SLC39A11: variants seen among roughly 807,000 people sequenced by gnomAD.
SLC39A11 encodes solute carrier family 39 member 11.
A neutral mutation model predicts 36.1 loss-of-function variants in SLC39A11; 33 were observed. The ratio of observed to expected loss-of-function variants is 0.91; its 90% CI spans 0.69 to 1.22. The LOEUF is 1.22. Among genes scored for constraint, SLC39A11 ranks in the 50% most tolerant of loss-of-function variants. The pLI, the probability that SLC39A11 is intolerant of heterozygous loss-of-function variation, is 0.00. For synonymous variants in SLC39A11, 166 were observed against 170.3 expected, an observed-to-expected ratio of 0.97 and a Z score of 0.20; for missense variants, 432 against 430.3, an observed-to-expected ratio of 1.00 and a Z score of -0.03.
chr17:72,844,819 A>G (rs1377164240), intron 6 of SLC39A11, among the ~76,000 whole-genome samples: 4 of 152,162 alleles, frequency 2.6e-5, no homozygotes, highest in African/African-American at 9.7e-5. Context: ...ATCAAACCTC[A>G]CAATCAAAAA....
chr17:72,828,827 C>G (rs370828234), intron 6 of SLC39A11, among the ~76,000 whole-genome samples: 25 of 152,260 alleles, frequency 1.6e-4, no homozygotes, highest in East Asian at 5.8e-4. Context: ...ACTGTCTCCT[C>G]CAAAGGCTCC....
intron 6 of SLC39A11, among the ~76,000 whole-genome samples, chr17:72,765,556 C>T (rs1398233963): frequency 1.3e-5 from 2 of 152,116 alleles, no homozygotes; most frequent in African/African-American, 4.8e-5. Context: ...CCCATTAGTT[C>T]ATCTATGGCT....
chr17:72,766,264 CTTG>C (rs2075755480), intron 6 of SLC39A11, among the ~76,000 whole-genome samples: 1 of 152,144 alleles, frequency 6.6e-6, no homozygotes, highest in Non-Finnish European at 1.5e-5. Context: ...ACTGTCATCC[CTTG>C]TTAAGTTGCG....
At chr17:73,057,111 C>T (rs1054320459) in intron 3 of SLC39A11, among the ~76,000 whole-genome samples, 1 of 152,058 alleles carries the variant, frequency 6.6e-6, no homozygotes. Flanking sequence ...CAACCATGCC[C>T]AGTTAATTTT....
At chr17:72,960,212 C>A (rs1185443074) in intron 4 of SLC39A11, among the ~76,000 whole-genome samples, 1 of 152,164 alleles carries the variant, frequency 6.6e-6, no homozygotes, top group Non-Finnish European at 1.5e-5. Context: ...GGAAAAGGCA[C>A]TGGAACCCTT....
chr17:72,702,070 C>T (rs914181261), intron 7 of SLC39A11, among the ~76,000 whole-genome samples: 1 of 68,450 alleles, frequency 1.5e-5, no homozygotes, highest in Non-Finnish European at 3.4e-5. Context: ...CACACCACTG[C>T]ACTCCAGCCT....
chr17:73,083,261 A>G (rs1406845352), intron 3 of SLC39A11, among the ~76,000 whole-genome samples: 1 of 152,158 alleles, frequency 6.6e-6, no homozygotes, highest in Non-Finnish European at 1.5e-5. Flanking sequence ...GTTATAGGGA[A>G]GAGAACGTAT....
intron 6 of SLC39A11, among the ~76,000 whole-genome samples, chr17:72,747,763 A>C (rs2074999588): frequency 6.6e-6 from 1 of 152,204 alleles, no homozygotes; most frequent in Non-Finnish European, 1.5e-5. Flanking sequence ...AAGCAAAACC[A>C]AGAAGGCAGG....
chr17:72,760,137 G>A (rs923567933), intron 6 of SLC39A11, among the ~76,000 whole-genome samples: 3 of 152,156 alleles, frequency 2.0e-5, no homozygotes, highest in East Asian at 1.9e-4. Flanking sequence ...AGTGATTCTC[G>A]TGCCTCAGCC....
intron 7 of SLC39A11, among the ~76,000 whole-genome samples, chr17:72,683,940 C>G (rs540709432): frequency 2.0e-5 from 3 of 152,064 alleles, no homozygotes; most frequent in Non-Finnish European, 4.4e-5. Context: ...CCTGCCTGAC[C>G]CTTTTCCAAC....
At chr17:72,657,875 TG>T (rs2143966979) in intron 7 of SLC39A11, among the ~76,000 whole-genome samples, 1 of 152,344 alleles carries the variant, frequency 6.6e-6, no homozygotes, top group East Asian at 1.9e-4. Context: ...TTTAGCCCCT[TG>T]GATCTACTGC....
At chr17:72,870,482 C>G (rs2080552517) in intron 5 of SLC39A11, among the ~76,000 whole-genome samples, 1 of 152,230 alleles carries the variant, frequency 6.6e-6, no homozygotes, top group Admixed American at 6.5e-5. Flanking sequence ...GCAATGTGTT[C>G]ATTTGCAAAG....
At chr17:72,739,784 TA>T (rs149508016) in intron 6 of SLC39A11, among the ~76,000 whole-genome samples, 1,886 of 152,318 alleles carry the variant, frequency 0.012, 29 homozygotes, top group Admixed American at 0.035. Context: ...TACGCATTTT[TA>T]AAAATTATTT....
At chr17:72,738,738 C>T (rs931404760) in intron 6 of SLC39A11, among the ~76,000 whole-genome samples, 3 of 152,172 alleles carry the variant, frequency 2.0e-5, no homozygotes, top group Admixed American at 6.6e-5. Flanking sequence ...GGGTCAAATT[C>T]GAACTTTCTT....
chr17:72,646,417 G>C lies in SLC39A11; in HGVS notation c.*1167C>G, dbSNP rs1257344143. Reference sequence around the variant, plus strand: ...CCTGTTGGAGAAGCTATGTAAGAAGGAGTAGGCTGGCTTCTGGTCTAGTTC... The same window carrying C: ...CCTGTTGGAGAAGCTATGTAAGAAGCAGTAGGCTGGCTTCTGGTCTAGTTC... On this transcript the variant is annotated 3_prime_UTR_variant, in exon 10 of 10. Transcript: ENST00000255559. 2 of 152,242 alleles carry C rather than the reference G, an allele frequency of 1.3e-5. No individual in the cohort carries two copies. Among genetic ancestry groups the C allele is most frequent in the Non-Finnish European group, 2.9e-5 (2 of 68,046 alleles). The allele number at this position is 152,242 out of a possible 1,614,324, so 9.4% of individuals were successfully genotyped here. A position where few individuals can be genotyped will look rare whatever the true frequency, so the allele number is the denominator to read the frequency against.
At chr17:72,739,246 G>C (rs1244699008) in intron 6 of SLC39A11, among the ~76,000 whole-genome samples, 1 of 151,674 alleles carries the variant, frequency 6.6e-6, no homozygotes, top group Non-Finnish European at 1.5e-5. Context: ...TCCTGCCTCA[G>C]CCTCCCAAGT....
intron 5 of SLC39A11, among the ~76,000 whole-genome samples, chr17:72,880,567 G>C (rs983893605): frequency 6.6e-6 from 1 of 151,966 alleles, no homozygotes; most frequent in South Asian, 2.1e-4. Context: ...AAAAGGAAAA[G>C]AAAAGAAAAG....
In SLC39A11 at chr17:72,902,101, G is replaced by T. The variant is rs138916446; in HGVS notation, c.430+45651C>A. Among the ~76,000 whole-genome samples the T allele has an allele frequency of 5.2e-3, 792 of 152,002 alleles. 3 individuals carry two copies. Among genetic ancestry groups the T allele is most frequent in the African/African-American group, 0.018 (766 of 41,438 alleles). On this transcript the variant is annotated intron_variant, in intron 5 of 9. Coordinates refer to ENST00000255559, the MANE Select transcript of SLC39A11 (RefSeq NM_139177.4). Reference sequence around the variant, plus strand: ...AGCCTGGCCAACATGGTAAAACCCCGTCTCTACTAAAAATACAAAATTAGC... The same window carrying T: ...AGCCTGGCCAACATGGTAAAACCCCTTCTCTACTAAAAATACAAAATTAGC...
intron 7 of SLC39A11, among the ~76,000 whole-genome samples, chr17:72,719,212 A>G (rs1427917373): frequency 6.6e-6 from 1 of 152,058 alleles, no homozygotes; most frequent in Non-Finnish European, 1.5e-5. Flanking sequence ...ATGCCACTGC[A>G]CTCCAGCCTG....
Sources: allele counts gnomAD v4.1 joint callset (sites outside exome capture counted in the v4.1 genomes callset), GRCh38; gene constraint gnomAD v4.1.1; transcripts MANE v1.5; gene names NCBI Gene and HGNC (gene_info 2026-07-23, HGNC 2026-07-21).